SCLT1: variants seen among roughly 807,000 people sequenced by gnomAD.
The protein encoded by SCLT1 is sodium channel-associated protein 1.
In SCLT1, 78 loss-of-function variants were observed where a neutral mutation model predicts 112.8. The observed-to-expected ratio is 0.69, with a 90% CI of 0.58 to 0.83. SCLT1 has a LOEUF of 0.83. Among genes scored for constraint, SCLT1 ranks in the 40% least tolerant of loss-of-function variants. The pLI, the probability that SCLT1 is intolerant of heterozygous loss-of-function variation, is 0.00. For synonymous variants in SCLT1, 257 were observed against 254.7 expected, an observed-to-expected ratio of 1.01 and a Z score of -0.09; for missense variants, 747 against 770.4, an observed-to-expected ratio of 0.97 and a Z score of 0.36.
rs534544353 is a variant in SCLT1, at chr4:128,945,505, T to C, written c.1439+502A>G. ...ATTAAAAATATATTTTGAACACATATAGAGATTGTGATTTTAGGCAATTCA... is the reference window on the plus strand; with the variant it reads ...ATTAAAAATATATTTTGAACACATACAGAGATTGTGATTTTAGGCAATTCA... On this transcript the variant is annotated intron_variant, in intron 16 of 20. Coordinates refer to ENST00000281142, the MANE Select transcript of SCLT1 (RefSeq NM_144643.4). Among the ~76,000 whole-genome samples the C allele has an allele frequency of 3.3e-5, 5 of 152,234 alleles. No individual in the cohort carries two copies. The South Asian group carries it at 1.0e-3, about 32-fold the overall frequency.
chr4:128,953,471 C>A (rs752246052), intron 13 of SCLT1, among the ~76,000 whole-genome samples: 6 of 152,010 alleles, frequency 3.9e-5, no homozygotes, highest in African/African-American at 9.7e-5. Flanking sequence ...GTAGGTGTGA[C>A]CTTGTGGCCT....
intron 9 of SCLT1, among the ~76,000 whole-genome samples, chr4:128,972,958 A>G (rs1268641039): frequency 2.0e-5 from 3 of 152,180 alleles, no homozygotes; most frequent in Non-Finnish European, 4.4e-5. Context: ...GTCAACATCT[A>G]GCCTCAAAGA....
rs1308036614 is a variant in SCLT1 at position 129,034,223 on chromosome 4, A to C, written c.290+4818T>G. Among the ~76,000 whole-genome samples, 4 of 152,246 alleles carry C rather than the reference A, an allele frequency of 2.6e-5. No individual in the cohort carries two copies. The East Asian group carries it at 7.7e-4, about 29-fold the overall frequency. On this transcript the variant is annotated intron_variant, in intron 5 of 20. Coordinates refer to ENST00000281142, the MANE Select transcript of SCLT1 (RefSeq NM_144643.4). ...TACATGAACTCCTTCCCAAATTTCA[A>C]ATAGATAATAAACATTTACTATACT... is the stretch of plus-strand genomic sequence containing the variant.
At chr4:129,049,771 G>A (rs1052814530) in intron 2 of SCLT1, among the ~76,000 whole-genome samples, 15 of 151,596 alleles carry the variant, frequency 9.9e-5, no homozygotes, top group South Asian at 8.3e-4. Context: ...TGTGCAGAAC[G>A]TTCAGGTTTG....
chr4:129,055,665 T>C (rs1749301843), intron 2 of SCLT1, among the ~76,000 whole-genome samples: 1 of 152,042 alleles, frequency 6.6e-6, no homozygotes, highest in African/African-American at 2.4e-5. Context: ...GACTTCTGTG[T>C]TGGCAGCAAG....
chr4:128,949,287 G>C (rs1309145240), intron 14 of SCLT1, among the ~76,000 whole-genome samples: 1 of 150,906 alleles, frequency 6.6e-6, no homozygotes, highest in African/African-American at 2.4e-5. Context: ...CAGTGCAGGG[G>C]GAGGTCATCT....
intron 20 of SCLT1, among the ~76,000 whole-genome samples, chr4:128,885,282 A>G (rs773391209): frequency 6.6e-6 from 1 of 152,254 alleles, no homozygotes; most frequent in Non-Finnish European, 1.5e-5. Flanking sequence ...GGTAGACAGC[A>G]TAAAGGAAGT....
chr4:129,026,228 C>A (rs1363126658), intron 5 of SCLT1, among the ~76,000 whole-genome samples: 1 of 152,138 alleles, frequency 6.6e-6, no homozygotes, highest in Non-Finnish European at 1.5e-5. Context: ...ACTCTCCACC[C>A]CAAATCAACA....
intron 2 of SCLT1, among the ~76,000 whole-genome samples, chr4:129,080,370 A>G (rs72926076): frequency 0.014 from 2,191 of 152,282 alleles, 48 homozygotes; most frequent in African/African-American, 0.044. Flanking sequence ...TACACTGTTA[A>G]AAGCAGCCAG....
chr4:128,984,038 T>C (rs1341051793), intron 9 of SCLT1, among the ~76,000 whole-genome samples: 4 of 152,220 alleles, frequency 2.6e-5, no homozygotes, highest in Non-Finnish European at 5.9e-5. Flanking sequence ...GTTTTATGTA[T>C]ACAACTCTGA....
chr4:129,049,393 A>G (rs1748528406), intron 2 of SCLT1, among the ~76,000 whole-genome samples: 1 of 148,942 alleles, frequency 6.7e-6, no homozygotes, highest in Non-Finnish European at 1.5e-5. Flanking sequence ...AAAACCAAAC[A>G]CCGCATGTTC....
intron 5 of SCLT1, among the ~76,000 whole-genome samples, chr4:129,023,975 C>T (rs1231164320): frequency 6.6e-6 from 1 of 152,160 alleles, no homozygotes; most frequent in Non-Finnish European, 1.5e-5. Context: ...AAGGCGGCAG[C>T]GAGGCTGGGG....
chr4:128,939,145 C>A (rs888363053), intron 17 of SCLT1, among the ~76,000 whole-genome samples: 22 of 152,114 alleles, frequency 1.4e-4, no homozygotes, highest in Admixed American at 6.5e-5. Context: ...TAACCTGGTC[C>A]CTGCTTACTT....
At chr4:129,055,385 C>A (rs556668507) in intron 2 of SCLT1, among the ~76,000 whole-genome samples, 5 of 152,196 alleles carry the variant, frequency 3.3e-5, no homozygotes, top group African/African-American at 1.2e-4. Context: ...CAACCACATT[C>A]GCCCCTTCTC....
chr4:129,058,313 T>C (rs1426271955), intron 2 of SCLT1, among the ~76,000 whole-genome samples: 2 of 152,194 alleles, frequency 1.3e-5, no homozygotes, highest in Non-Finnish European at 2.9e-5. Flanking sequence ...AGATGTTTCA[T>C]TAGGTTAATT....
At chr4:128,876,284 A>ACTT (rs1732518062) in intron 4 of SCLT1, among the ~76,000 whole-genome samples, 1 of 152,176 alleles carries the variant, frequency 6.6e-6, no homozygotes, top group Non-Finnish European at 1.5e-5. Context: ...GTGACTATTT[A>ACTT]CTTCCATATT....
At chr4:129,087,212 G>GT (rs1752472098) in intron 1 of SCLT1, among the ~76,000 whole-genome samples, 1 of 152,186 alleles carries the variant, frequency 6.6e-6, no homozygotes, top group Non-Finnish European at 1.5e-5. Flanking sequence ...CCTAGGGAAT[G>GT]TGAGACCTGC....
chr4:129,038,294 G>A (rs1747370594), intron 5 of SCLT1, among the ~76,000 whole-genome samples: 1 of 152,128 alleles, frequency 6.6e-6, no homozygotes, highest in African/African-American at 2.4e-5. Context: ...TGGTAAGAAT[G>A]TAAATTGGTA....
At position 129,093,223 on chromosome 4, in the gene SCLT1, G is replaced by A. The variant is rs1753015701; in HGVS notation, c.-120C>T. 2 of 866,430 alleles carry A rather than the reference G, an allele frequency of 2.3e-6. No individual in the cohort carries two copies. Among genetic ancestry groups the A allele is most frequent in the African/African-American group, 3.3e-5 (2 of 59,938 alleles). 53.7% of individuals were successfully genotyped at this position (866,430 alleles called of 1,614,324 possible). ...TCGGTTGGTTGTCAAGCGCTCCAGC[G>A]GTGCAATCTGCATCCTACTCACGCG... On this transcript the variant is annotated 5_prime_UTR_variant, in exon 1 of 21. Coordinates refer to ENST00000281142, the MANE Select transcript of SCLT1 (RefSeq NM_144643.4).
Sources: gnomAD v4.1 joint callset for allele counts (sites outside exome capture counted in the v4.1 genomes callset) on GRCh38, gnomAD v4.1.1 for gene constraint, MANE v1.5 for transcripts, NCBI Gene and HGNC (gene_info 2026-07-23, HGNC 2026-07-21) for gene names.